Variants in LMBR1 observed in about 807,000 individuals in gnomAD.
LMBR1 encodes limb development membrane protein 1.
LMBR1 carries 52 observed loss-of-function variants against 73.9 expected under a neutral mutation model. The ratio of observed to expected loss-of-function variants is 0.70; its 90% CI spans 0.56 to 0.89. The LOEUF is 0.89. Among genes scored for constraint, LMBR1 ranks in the 40% least tolerant of loss-of-function variants. The pLI is 0.00. For missense variants in LMBR1, 539 were observed against 579.8 expected, an observed-to-expected ratio of 0.93 and a Z score of 0.72; for synonymous variants, 215 against 209.4, an observed-to-expected ratio of 1.03 and a Z score of -0.23.
At chr7:156,743,287 C>T (rs909729618) in intron 9 of LMBR1, among the ~76,000 whole-genome samples, 1 of 152,100 alleles carries the variant, frequency 6.6e-6, no homozygotes, top group African/African-American at 2.4e-5. Context: ...CTTAAGTCCG[C>T]TAAATTTTCT....
At chr7:156,859,535 C>T (rs2134173635) in intron 1 of LMBR1, among the ~76,000 whole-genome samples, 1 of 151,598 alleles carries the variant, frequency 6.6e-6, no homozygotes, top group Admixed American at 6.6e-5. Context: ...AAATTGCTTT[C>T]CTATATACCA....
chr7:156,879,186 T>C (rs565562909), intron 1 of LMBR1, among the ~76,000 whole-genome samples: 155 of 152,238 alleles, frequency 1.0e-3, no homozygotes, highest in African/African-American at 3.3e-3. Context: ...AAAACAAAGA[T>C]AAACAGCTGA....
intron 1 of LMBR1, among the ~76,000 whole-genome samples, chr7:156,891,225 T>TAC (rs1285355093): frequency 5.2e-4 from 40 of 77,248 alleles, no homozygotes; most frequent in Non-Finnish European, 9.6e-4. Context: ...TATATATATA[T>TAC]ATATATATAC....
chr7:156,807,965 T>C (rs944117274), intron 4 of LMBR1, among the ~76,000 whole-genome samples: 7 of 152,308 alleles, frequency 4.6e-5, no homozygotes, highest in Admixed American at 2.6e-4. Flanking sequence ...TTTAATTTCA[T>C]TGTCCTTACA....
At chr7:156,882,828 C>T (rs990069892) in intron 1 of LMBR1, among the ~76,000 whole-genome samples, 10 of 151,964 alleles carry the variant, frequency 6.6e-5, no homozygotes, top group East Asian at 3.9e-4. Context: ...GTCAGGAGTT[C>T]GAGACTAGCT....
intron 1 of LMBR1, among the ~76,000 whole-genome samples, chr7:156,876,519 T>G (rs983834441): frequency 6.6e-6 from 1 of 152,152 alleles, no homozygotes; most frequent in South Asian, 2.1e-4. Context: ...TGAATATATA[T>G]TCTATTCATC....
At chr7:156,750,303 T>TGC (rs1216550856) in intron 9 of LMBR1, among the ~76,000 whole-genome samples, 1 of 151,994 alleles carries the variant, frequency 6.6e-6, no homozygotes, top group East Asian at 1.9e-4. Flanking sequence ...TGTACGTGTG[T>TGC]GTGTGTGTGT....
chr7:156,675,151 G>A (rs576276917), downstream of LMBR1, among the ~76,000 whole-genome samples: 22 of 152,218 alleles, frequency 1.4e-4, no homozygotes, highest in Non-Finnish European at 2.8e-4. Context: ...AAGGGGCAGC[G>A]GAGACCCGAA....
chr7:156,732,432 A>G (rs1817022623), intron 10 of LMBR1, among the ~76,000 whole-genome samples: 1 of 152,182 alleles, frequency 6.6e-6, no homozygotes, highest in Non-Finnish European at 1.5e-5. Flanking sequence ...CTGTGCAGCA[A>G]AGTGCCAGAC....
chr7:156,844,222 G>T (rs913256370), intron 1 of LMBR1, among the ~76,000 whole-genome samples: 9 of 151,884 alleles, frequency 5.9e-5, no homozygotes, highest in African/African-American at 1.9e-4. Context: ...TACTCAGGAG[G>T]GTGAGGCAGG....
intron 1 of LMBR1, among the ~76,000 whole-genome samples, chr7:156,841,969 G>A (rs1838784687): frequency 7.1e-6 from 1 of 140,446 alleles, no homozygotes; most frequent in South Asian, 2.2e-4. Context: ...CTGAAGTTAT[G>A]TGCTCAAGTT....
rs11768813 is a variant in LMBR1, at chr7:156,826,381, A to G, written c.319+224T>C. ...AAATGAAAATGTATTTATCAAAATC[A>G]TAAGTATAAACACTGCTTCTTAACT... On this transcript the variant is annotated intron_variant, in intron 4 of 16. Coordinates refer to ENST00000353442, the MANE Select transcript of LMBR1 (RefSeq NM_022458.4). Among the ~76,000 whole-genome samples, 10,368 of 152,340 alleles carry G rather than the reference A, an allele frequency of 0.068. 447 individuals are homozygous for G. Among genetic ancestry groups the G allele is most frequent in the African/African-American group, 0.11 (4,650 of 41,570 alleles).
intron 1 of LMBR1, among the ~76,000 whole-genome samples, chr7:156,841,127 C>G (rs956741224): frequency 6.6e-6 from 1 of 151,960 alleles, no homozygotes; most frequent in African/African-American, 2.4e-5. Flanking sequence ...GTTTTGAAAG[C>G]AGACATGATA....
chr7:156,869,345 T>A (rs995449777), intron 1 of LMBR1, among the ~76,000 whole-genome samples: 1 of 152,188 alleles, frequency 6.6e-6, no homozygotes, highest in African/African-American at 2.4e-5. Context: ...TCTCGGAGAC[T>A]TTATATTCTG....
At chr7:156,737,801 T>C (rs751994845) in intron 9 of LMBR1, among the ~76,000 whole-genome samples, 5 of 152,148 alleles carry the variant, frequency 3.3e-5, no homozygotes, top group Non-Finnish European at 5.9e-5. Flanking sequence ...TCTTCTCCCA[T>C]GCATATTTCA....
At chr7:156,703,345 G>A (rs928960740) in intron 15 of LMBR1, among the ~76,000 whole-genome samples, 13 of 152,176 alleles carry the variant, frequency 8.5e-5, no homozygotes, top group Non-Finnish European at 1.5e-4. Context: ...CTGGGATCCA[G>A]CCCAACTGGC....
intron 15 of LMBR1, among the ~76,000 whole-genome samples, chr7:156,720,299 T>C (rs937626427): frequency 1.3e-4 from 20 of 152,314 alleles, no homozygotes; most frequent in East Asian, 3.9e-4. Context: ...TCCAGCTAAA[T>C]GGTCCTAAAG....
At chr7:156,790,130 T>C (rs1264473120) in intron 5 of LMBR1, among the ~76,000 whole-genome samples, 10 of 152,086 alleles carry the variant, frequency 6.6e-5, no homozygotes, top group Non-Finnish European at 1.2e-4. Flanking sequence ...ACAGATCCTA[T>C]TTCAAAAAAT....
chr7:156,719,403 C>T (rs71536086), intron 15 of LMBR1, among the ~76,000 whole-genome samples: 1,923 of 152,026 alleles, frequency 0.013, 20 homozygotes, highest in Non-Finnish European at 0.018. Flanking sequence ...TGGATTGGTT[C>T]CAAGTCTTTG....
Sources: allele counts gnomAD v4.1 joint callset (sites outside exome capture counted in the v4.1 genomes callset), GRCh38; gene constraint gnomAD v4.1.1; transcripts MANE v1.5; gene names NCBI Gene and HGNC (gene_info 2026-07-23, HGNC 2026-07-21).